Variants in WDR75 observed in about 807,000 individuals in gnomAD.
WDR75 encodes WD repeat-containing protein 75.
A neutral mutation model predicts 106.1 loss-of-function variants in WDR75; 52 were observed. The ratio of observed to expected loss-of-function variants is 0.49; its 90% confidence interval spans 0.39 to 0.62. The LOEUF is 0.62. Ranked by LOEUF, WDR75 falls within the 20% of genes least tolerant of loss-of-function variation. The probability of loss-of-function intolerance (pLI) is 0.00; values close to 1 mark genes in which losing one functional copy is unlikely to be tolerated. For missense variants in WDR75, 905 were observed against 970.3 expected, an observed-to-expected ratio of 0.93 and a Z score of 0.89; for synonymous variants, 333 against 335.5, an observed-to-expected ratio of 0.99 and a Z score of 0.08.
chr2:189,475,090 G>A (rs1309462601), intron 20 of WDR75, 123 bp from the exon 21 acceptor site: 10 of 799,026 alleles, frequency 1.3e-5, no homozygotes, highest in African/African-American at 7.0e-5. Flanking sequence ...TTTTTAAAGT[G>A]TACTTAGTAA....
At position 189,450,965 on chromosome 2, in the gene WDR75, A is replaced by G; in HGVS notation, c.279A>G (p.Ile93Met). 1 of 1,608,162 alleles carries G rather than the reference A, an allele frequency of 6.2e-7. No homozygotes were observed. Among genetic ancestry groups the G allele is most frequent in the South Asian group, 1.1e-5 (1 of 89,396 alleles). ...KLWDYIDGIL[I>M]KTFIVGCKLH... ...GGGACTATATAGATGGCATCTTAAT[A>G]AAGGTATGTGGATTGATCTTTACTT... Residue 93 changes from isoleucine to methionine, a missense_variant, in exon 3 of 21, where the codon ATA becomes ATG. Ile to Met is a conservative substitution (Grantham distance 10). Coordinates refer to ENST00000314761, the MANE Select transcript of WDR75 (RefSeq NM_032168.3).
intron 14 of WDR75, among the ~76,000 whole-genome samples, chr2:189,468,220 G>A (rs1246436013): frequency 6.6e-6 from 1 of 152,076 alleles, no homozygotes; most frequent in African/African-American, 2.4e-5. Flanking sequence ...CATTTTCTCT[G>A]TTAGATGTAA....
At chr2:189,467,807 C>A (rs1293974303) in intron 14 of WDR75, among the ~76,000 whole-genome samples, 159 bp downstream of exon 14, 1 of 152,172 alleles carries the variant, frequency 6.6e-6, no homozygotes, top group African/African-American at 2.4e-5. Flanking sequence ...TCTGAGTCCA[C>A]AAACTGTGCC....
chr2:189,455,359 C>G lies in WDR75; in HGVS notation c.413C>G (p.Ser138Ter). Residue 138 changes from serine to a stop codon, truncating the protein, a stop_gained, in exon 5 of 21, where the codon TCA (serine) becomes TGA (stop). Coordinates refer to ENST00000314761, the MANE Select transcript of WDR75 (RefSeq NM_032168.3). LOFTEE classifies it high-confidence loss of function. ...QLVSVKLPKS[S>*]SQEVEAKELS... The stretch of plus-strand genomic sequence containing the variant: ...GTTTCAGTGAAACTGCCAAAATCCT[C>G]AAGCCAGGAAGTAGAAGCCAAGGAG... 6.2e-7 allele frequency: 1 copy of G among 1,614,112 alleles called. No individual in the cohort carries two copies. The highest frequency in any genetic ancestry group is 8.5e-7 in the Non-Finnish European group (1 of 1,179,976).
chr2:189,452,692 G>C (rs1350323895), intron 4 of WDR75, among the ~76,000 whole-genome samples: 1 of 152,122 alleles, frequency 6.6e-6, no homozygotes, highest in Non-Finnish European at 1.5e-5. Flanking sequence ...CTAGAATATT[G>C]TCAGTGATTA....
Position 189,449,804 on chromosome 2 carries a change from G to C in WDR75, c.217-1099G>C, listed in dbSNP as rs1647856430. On this transcript the variant is annotated intron_variant, in intron 2 of 20. Transcript: ENST00000314761. ...TTTGTATAATTTTTTGACTTGGATA[G>C]ATAATATGGTTTTACTCCAACATTT... 2.4e-5 allele frequency: 24 copies of C among 983,976 alleles called. No homozygotes were observed. The South Asian group carries it at 1.1e-3, about 46-fold the overall frequency. 61.0% of individuals were successfully genotyped at this position (983,976 alleles called of 1,614,324 possible).
intron 2 of WDR75, chr2:189,450,098 G>C (rs78711780): frequency 0.042 from 39,515 of 944,828 alleles, 1,141 homozygotes; most frequent in African/African-American, 0.14. Context: ...CTGTATAAGA[G>C]TACAGAATGT....
Position 189,474,316 on chromosome 2 carries a change from T to C in WDR75, c.2180T>C (p.Ile727Thr), listed in dbSNP as rs1297162198. Residue 727 changes from isoleucine to threonine, a missense_variant, in exon 19 of 21, where the codon ATA becomes ACA. Physicochemically the swap from Ile to Thr is moderately conservative, Grantham distance 89. Coordinates refer to ENST00000314761, the MANE Select transcript of WDR75 (RefSeq NM_032168.3). ...GTACAACTACCCTTAACAGAAAACATACCCGCAATTAGTGAGGTAAGTAAT... is the reference window on the plus strand; with the variant it reads ...GTACAACTACCCTTAACAGAAAACACACCCGCAATTAGTGAGGTAAGTAAT... ...ELVQLPLTENIPAISELLHTP... is the reference protein window; with the variant it reads ...ELVQLPLTENTPAISELLHTP... 1 of 1,609,738 alleles carries C rather than the reference T, an allele frequency of 6.2e-7. No individual in the cohort carries two copies. The highest frequency in any genetic ancestry group is 1.1e-5 in the South Asian group (1 of 89,562).
intron 3 of WDR75, 112 bp from the exon 4 acceptor site, chr2:189,451,690 CCTT>C: frequency 1.2e-6 from 1 of 814,250 alleles, no homozygotes; most frequent in South Asian, 1.7e-5. Context: ...CAGGTACTCT[CCTT>C]ATGTTGGGAA....
intron 8 of WDR75, among the ~76,000 whole-genome samples, chr2:189,460,742 C>T (rs970961387): frequency 6.6e-6 from 1 of 151,854 alleles, no homozygotes; most frequent in Non-Finnish European, 1.5e-5. Flanking sequence ...TGACCTCAGG[C>T]GATCCCCCCA....
chr2:189,459,114 A>G (rs1302000748), intron 7 of WDR75, among the ~76,000 whole-genome samples: 4 of 152,246 alleles, frequency 2.6e-5, no homozygotes, highest in Non-Finnish European at 4.4e-5. Context: ...CAAAAAGGAA[A>G]GACTGACAAT....
chr2:189,448,687 T>G, intron 2 of WDR75, 179 bp downstream of exon 2: 1 of 783,800 alleles, frequency 1.3e-6, no homozygotes, highest in Non-Finnish European at 2.2e-6. Context: ...GTGAACCATT[T>G]GTTCCACAGA....
intron 1 of WDR75, among the ~76,000 whole-genome samples, chr2:189,443,979 T>C (rs1294984717): frequency 6.6e-6 from 1 of 152,134 alleles, no homozygotes; most frequent in Non-Finnish European, 1.5e-5. Context: ...AATGGGGAGA[T>C]AGAGTTCAGT....
intron 8 of WDR75, among the ~76,000 whole-genome samples, chr2:189,461,094 T>G (rs575450367): frequency 6.6e-6 from 1 of 152,344 alleles, no homozygotes; most frequent in East Asian, 1.9e-4. Flanking sequence ...ACTACATACC[T>G]TTAGTCTTCT....
chr2:189,450,089 T>A, intron 2 of WDR75: 1 of 967,504 alleles, frequency 1.0e-6, no homozygotes, highest in Non-Finnish European at 1.2e-6. Flanking sequence ...GTTACCATTC[T>A]GTATAAGAGT....
chr2:189,457,401 A>C lies in WDR75; in HGVS notation c.569+20A>C. 1 of 1,470,274 alleles carries C rather than the reference A, an allele frequency of 6.8e-7. No homozygotes were observed. Among genetic ancestry groups the C allele is most frequent in the Non-Finnish European group, 9.5e-7 (1 of 1,057,668 alleles). The allele number at this position is 1,470,274 out of a possible 1,614,324, so 91.1% of individuals were successfully genotyped here. A position where few individuals can be genotyped will look rare whatever the true frequency, so the allele number is the denominator to read the frequency against. Reference sequence around the variant, plus strand: ...ATCAAGGTAAGAATTATTTTTTATTAGCTTTATTTTATTTGCTCAAGAGTT... The same window carrying C: ...ATCAAGGTAAGAATTATTTTTTATTCGCTTTATTTTATTTGCTCAAGAGTT... On this transcript the variant is annotated intron_variant, in intron 6 of 20. Coordinates refer to ENST00000314761, the MANE Select transcript of WDR75 (RefSeq NM_032168.3).
In WDR75 at chr2:189,450,951, G is replaced by C. The variant is rs1475852829; in HGVS notation, c.265G>C (p.Asp89His). 1 of 1,609,198 alleles carries C rather than the reference G, an allele frequency of 6.2e-7. No individual in the cohort carries two copies. The highest frequency in any genetic ancestry group is 1.3e-5 in the African/African-American group (1 of 74,638). Residue 89 changes from aspartate (D) to histidine (H), a missense_variant, in exon 3 of 21, where the codon GAT (aspartate) becomes CAT (histidine). Physicochemically the swap from Asp to His is moderately conservative, Grantham distance 81. Transcript: ENST00000314761. ...CACAATTAAACTGTGGGACTATATA[G>C]ATGGCATCTTAATAAAGGTATGTGG... ...DGTIKLWDYI[D>H]GILIKTFIVG...
At chr2:189,449,760 T>C in intron 2 of WDR75, 1 of 984,892 alleles carries the variant, frequency 1.0e-6, no homozygotes, top group Non-Finnish European at 1.2e-6. Flanking sequence ...ATGCAGTAAT[T>C]GTGATATAAA....
At position 189,458,767 on chromosome 2, in the gene WDR75, C is replaced by T; in HGVS notation, c.584C>T (p.Ser195Leu). Residue 195 changes from serine (S) to leucine (L), a missense_variant, in exon 7 of 21, where the codon TCA (serine) becomes TTA (leucine). By Grantham distance (145) the Ser-to-Leu change is moderately radical (BLOSUM62 -2). Coordinates refer to ENST00000314761, the MANE Select transcript of WDR75 (RefSeq NM_032168.3). ...KKTTSRFTLS[S>L]SRNKKHAKNN... ...TTTTCTCCTAGGTTTACTTTATCAT[C>T]ATCAAGAAATAAGAAGCATGCTAAA... The T allele has an allele frequency of 6.3e-7, 1 of 1,583,056 alleles. No individual in the cohort carries two copies. The highest frequency in any genetic ancestry group is 8.6e-7 in the Non-Finnish European group (1 of 1,163,912).
Sources: allele counts gnomAD v4.1 joint callset (sites outside exome capture counted in the v4.1 genomes callset), GRCh38; gene constraint gnomAD v4.1.1; transcripts MANE v1.5; gene names NCBI Gene and HGNC (gene_info 2026-07-23, HGNC 2026-07-21).